Variants in DCC observed in about 807,000 individuals in gnomAD.
DCC encodes netrin receptor DCC.
Under a neutral mutation model 172.5 loss-of-function variants are expected in DCC, and 58 were observed. That is an observed-to-expected ratio of 0.34 (90% confidence interval 0.27 to 0.42). The LOEUF is 0.42. Ranked by LOEUF, DCC falls within the 10% of genes least tolerant of loss-of-function variation. The probability of loss-of-function intolerance (pLI) is 1.00; values close to 1 mark genes in which losing one functional copy is unlikely to be tolerated. For synonymous variants in DCC, 709 were observed against 644.5 expected, an observed-to-expected ratio of 1.10 and a Z score of -1.52; for missense variants, 1,740 against 1,791.0, an observed-to-expected ratio of 0.97 and a Z score of 0.51.
chr18:52,529,000 A>G (rs1438822795), intron 1 of DCC, among the ~76,000 whole-genome samples: 1 of 152,170 alleles, frequency 6.6e-6, no homozygotes, highest in African/African-American at 2.4e-5. Context: ...GCCAATCTAT[A>G]GACAAGAGGC....
intron 24 of DCC, among the ~76,000 whole-genome samples, chr18:53,465,288 A>G (rs79434590): frequency 0.037 from 5,450 of 147,728 alleles, 184 homozygotes; most frequent in Middle Eastern, 0.062. Flanking sequence ...AATTCTCTTC[A>G]TTTTCCTTCA....
rs139020158 is a variant in DCC, at chr18:53,431,915, A to G, written c.3164-3229A>G. The stretch of plus-strand genomic sequence containing the variant: ...ATTTGAGGGAAGAAAACTGAAATTT[A>G]TTACGTGATTTCCCCCAAATTTATA... On this transcript the variant is annotated intron_variant, in intron 21 of 28. Coordinates refer to ENST00000442544, the MANE Select transcript of DCC (RefSeq NM_005215.4). Among the ~76,000 whole-genome samples, 7 of 152,302 alleles carry G rather than the reference A, an allele frequency of 4.6e-5. No individual in the cohort carries two copies. The East Asian group carries it at 9.6e-4, about 21-fold the overall frequency.
intron 1 of DCC, among the ~76,000 whole-genome samples, chr18:52,751,021 G>A (rs1438678484): frequency 6.6e-6 from 1 of 152,226 alleles, no homozygotes; most frequent in Non-Finnish European, 1.5e-5. Flanking sequence ...CACACAAGGT[G>A]TTTCAGGAGA....
intron 15 of DCC, among the ~76,000 whole-genome samples, chr18:53,367,468 A>G (rs2058018921): frequency 6.6e-6 from 1 of 152,212 alleles, no homozygotes; most frequent in South Asian, 2.1e-4. Context: ...TGGTATTTAC[A>G]TAAGTCCTAC....
rs1190487659 is a variant in DCC, at chr18:53,410,491, T to C, written c.2975T>C (p.Ile992Thr). 1.9e-6 allele frequency: 3 copies of C among 1,610,384 alleles called. No individual in the cohort carries two copies. The highest frequency in any genetic ancestry group is 2.2e-5 in the East Asian group (1 of 44,872). The change falls in exon 20 of 29, where the codon ATT (isoleucine) becomes ACT (threonine). Residue 992 changes from isoleucine to threonine, a missense_variant. By Grantham distance (89) the Ile-to-Thr change is moderately conservative. Coordinates refer to ENST00000442544, the MANE Select transcript of DCC (RefSeq NM_005215.4). ...LFYTLDKNIPIDDWIMETISG... is the reference protein window; with the variant it reads ...LFYTLDKNIPTDDWIMETISG... Reference sequence around the variant, plus strand: ...TATACCTTGGACAAGAACATCCCAATTGATGACTGGATTATGGAAACAATC... The same window carrying C: ...TATACCTTGGACAAGAACATCCCAACTGATGACTGGATTATGGAAACAATC...
intron 14 of DCC, among the ~76,000 whole-genome samples, chr18:53,328,635 AG>A (rs2057495390): frequency 6.6e-6 from 1 of 152,006 alleles, no homozygotes; most frequent in Admixed American, 6.6e-5. Flanking sequence ...CTCGGGTTCA[AG>A]TGATTCTCCT....
intron 9 of DCC, among the ~76,000 whole-genome samples, chr18:53,199,244 C>G (rs190259303): frequency 2.5e-4 from 38 of 151,986 alleles, no homozygotes; most frequent in African/African-American, 8.4e-4. Flanking sequence ...GTGCCCACCA[C>G]CACGCCTGGC....
intron 23 of DCC, among the ~76,000 whole-genome samples, chr18:53,456,113 G>A (rs529963295): frequency 1.8e-3 from 276 of 152,308 alleles, no homozygotes; most frequent in Non-Finnish European, 3.5e-3. Flanking sequence ...AGAGAGAGAT[G>A]AGGGAAATGA....
chr18:53,341,432 A>G (rs1378095321), intron 15 of DCC, among the ~76,000 whole-genome samples: 1 of 152,212 alleles, frequency 6.6e-6, no homozygotes, highest in African/African-American at 2.4e-5. Context: ...AATGCTTAAC[A>G]AGAAAAACAG....
chr18:52,807,078 C>G (rs1015672560), intron 2 of DCC, among the ~76,000 whole-genome samples: 20 of 152,266 alleles, frequency 1.3e-4, no homozygotes, highest in African/African-American at 4.1e-4. Context: ...GCCTGTAGTC[C>G]CAGCTACTCG....
At chr18:52,656,591 A>G (rs1031130253) in intron 1 of DCC, among the ~76,000 whole-genome samples, 3 of 152,142 alleles carry the variant, frequency 2.0e-5, no homozygotes, top group African/African-American at 7.2e-5. Context: ...AGAAAAAGAG[A>G]AGTGGGAAGT....
Position 53,508,163 on chromosome 18 carries a change from G to A in DCC, c.4111+8653G>A, listed in dbSNP as rs555191881. ...CCGCCTCGGCCTCCCAAAGTGCTGG[G>A]ATTATAGGCATGAGCCACCGCGCCC... On this transcript the variant is annotated intron_variant, in intron 27 of 28. Transcript: ENST00000442544. Among the ~76,000 whole-genome samples, 267 of 151,930 alleles carry A rather than the reference G, an allele frequency of 1.8e-3. 6 individuals carry two copies. The highest frequency in any genetic ancestry group is 0.016 in the Admixed American group (243 of 15,250).
At chr18:53,103,842 T>A (rs977067328) in intron 7 of DCC, among the ~76,000 whole-genome samples, 1 of 151,992 alleles carries the variant, frequency 6.6e-6, no homozygotes, top group Non-Finnish European at 1.5e-5. Context: ...TGAGTGTCCT[T>A]ATTCATTATT....
At chr18:53,151,131 T>C (rs1289762574) in intron 7 of DCC, among the ~76,000 whole-genome samples, 2 of 152,210 alleles carry the variant, frequency 1.3e-5, no homozygotes, top group Non-Finnish European at 2.9e-5. Context: ...GATTAATAAT[T>C]GGATGCATAA....
intron 2 of DCC, among the ~76,000 whole-genome samples, chr18:52,861,072 T>C (rs956120130): frequency 1.3e-5 from 2 of 152,026 alleles, no homozygotes; most frequent in African/African-American, 4.8e-5. Context: ...AATCTCAGGT[T>C]AGACTTTTAA....
intron 5 of DCC, among the ~76,000 whole-genome samples, chr18:52,945,215 C>T (rs2040524328): frequency 6.6e-6 from 1 of 152,040 alleles, no homozygotes; most frequent in South Asian, 2.1e-4. Context: ...AAAATATGAA[C>T]TTAGGTTTTA....
chr18:53,255,155 C>T (rs2144666566), intron 12 of DCC, among the ~76,000 whole-genome samples: 1 of 152,084 alleles, frequency 6.6e-6, no homozygotes, highest in South Asian at 2.1e-4. Context: ...TATCAGAATC[C>T]CAGGCCTTTC....
intron 2 of DCC, among the ~76,000 whole-genome samples, chr18:52,898,295 CAAG>C (rs1268657822): frequency 6.6e-6 from 1 of 152,026 alleles, no homozygotes; most frequent in Non-Finnish European, 1.5e-5. Flanking sequence ...GATAGTCTGC[CAAG>C]AAGGCTAGAG....
chr18:53,091,266 G>A (rs1029762321), intron 7 of DCC, among the ~76,000 whole-genome samples: 2 of 150,478 alleles, frequency 1.3e-5, no homozygotes, highest in South Asian at 2.1e-4. Context: ...AACCCTGGGC[G>A]AATGATAAAC....
Sources: gnomAD v4.1 joint callset for allele counts (sites outside exome capture counted in the v4.1 genomes callset) on GRCh38, gnomAD v4.1.1 for gene constraint, MANE v1.5 for transcripts, NCBI Gene and HGNC (gene_info 2026-07-23, HGNC 2026-07-21) for gene names.